The following CSGALNACT1 variants were observed in gnomAD, a reference collection of about 807,000 sequenced individuals.
CSGALNACT1 encodes the protein chondroitin sulfate N-acetylgalactosaminyltransferase 1.
A neutral mutation model predicts 51.0 loss-of-function variants in CSGALNACT1; 52 were observed. That is an observed-to-expected ratio of 1.02 (90% CI 0.82 to 1.29). The LOEUF is 1.29. CSGALNACT1 is among the 50% of genes most tolerant of loss of function. CSGALNACT1 has a pLI of 0.00. For missense variants in CSGALNACT1, 935 were observed against 679.2 expected (o/e 1.38, Z -4.19); for synonymous variants, 341 against 254.4 (o/e 1.34, Z -3.24).
chr8:19,408,410 C>A (rs539030183), intron 9 of CSGALNACT1, among the ~76,000 whole-genome samples: 1 of 149,458 alleles, frequency 6.7e-6, no homozygotes, highest in East Asian at 2.1e-4. Flanking sequence ...CCCCCCTCCT[C>A]TAACCTCCCA....
At chr8:19,554,726 T>C (rs1316907048) in intron 3 of CSGALNACT1, among the ~76,000 whole-genome samples, 2 of 152,134 alleles carry the variant, frequency 1.3e-5, no homozygotes, top group East Asian at 1.9e-4. Context: ...AAGACCAGCC[T>C]GCCCTACATG....
intron 1 of CSGALNACT1, among the ~76,000 whole-genome samples, chr8:19,670,284 G>C (rs1204661131): frequency 6.6e-6 from 1 of 152,096 alleles, no homozygotes; most frequent in African/African-American, 2.4e-5. Context: ...GAATCTCAGT[G>C]AGCTTTTGTG....
chr8:19,596,338 G>C (rs1216597050), intron 2 of CSGALNACT1, among the ~76,000 whole-genome samples: 1 of 152,132 alleles, frequency 6.6e-6, no homozygotes. Context: ...CTGTTAGTGT[G>C]ATGAGGGGGA....
Position 19,546,480 on chromosome 8 carries a change from A to C in CSGALNACT1, c.-296-40350T>G, listed in dbSNP as rs558920860. Reference sequence around the variant, plus strand: ...AAATAACTATGCCTCACTACTCTTCAATGAAATAGGGAAGTATCACTAAGA... The same window carrying C: ...AAATAACTATGCCTCACTACTCTTCCATGAAATAGGGAAGTATCACTAAGA... On this transcript the variant is annotated intron_variant, in intron 3 of 9. Coordinates refer to ENST00000454498, the Ensembl canonical transcript of CSGALNACT1. Among the ~76,000 whole-genome samples, 86 of 152,314 alleles carry C rather than the reference A, an allele frequency of 5.6e-4. No homozygotes were observed. The South Asian group carries it at 0.01, about 18-fold the overall frequency.
At chr8:19,532,618 A>G (rs1335102526) in intron 3 of CSGALNACT1, among the ~76,000 whole-genome samples, 1 of 152,094 alleles carries the variant, frequency 6.6e-6, no homozygotes. Context: ...TGACCCTCAA[A>G]GTCTTTCTAA....
intron 4 of CSGALNACT1, among the ~76,000 whole-genome samples, chr8:19,488,308 C>A (rs111734102): frequency 6.7e-6 from 1 of 148,852 alleles, no homozygotes; most frequent in Non-Finnish European, 1.5e-5. Context: ...TGAGCTCATG[C>A]CACTGCACTC....
intron 4 of CSGALNACT1, among the ~76,000 whole-genome samples, chr8:19,473,645 A>G (rs2068727932): frequency 6.6e-6 from 1 of 152,228 alleles, no homozygotes; most frequent in Non-Finnish European, 1.5e-5. Flanking sequence ...AAGCCTCAAC[A>G]TCAACTGCTT....
chr8:19,417,363 C>T (rs2057093673), intron 8 of CSGALNACT1, among the ~76,000 whole-genome samples: 1 of 152,084 alleles, frequency 6.6e-6, no homozygotes, highest in African/African-American at 2.4e-5. Context: ...CCTGAGGGCC[C>T]CAAAGTTGAA....
chr8:19,631,084 T>C (rs1165654855), intron 1 of CSGALNACT1, among the ~76,000 whole-genome samples: 1 of 152,246 alleles, frequency 6.6e-6, no homozygotes, highest in African/African-American at 2.4e-5. Flanking sequence ...ACACCACTGT[T>C]GGTCTATCCA....
At position 19,632,580 on chromosome 8, in the gene CSGALNACT1, G is replaced by C. The variant is rs7014536; in HGVS notation, c.-543-30715C>G. 5.3e-5 allele frequency among the ~76,000 whole-genome samples: 8 copies of C among 152,134 alleles called. No individual in the cohort carries two copies. In the South Asian group the frequency reaches 1.7e-3, roughly 32 times the overall value. On this transcript the variant is annotated intron_variant, in intron 1 of 9. Transcript: ENST00000332246. ...GTTTAATTACTTCTGTTCTTAACCC[G>C]CAGCTATCTACAGCGATCACTGCAG...
chr8:19,505,052 A>G, intron 4 of CSGALNACT1, 149 bp downstream of exon 3: 1 of 786,132 alleles, frequency 1.3e-6, no homozygotes, highest in Non-Finnish European at 2.2e-6. Flanking sequence ...ATAAAAAGCC[A>G]TGCCGTACCT....
In CSGALNACT1 at chr8:19,505,795, G is replaced by A. The variant is rs117494579; in HGVS notation, c.40C>T (p.Arg14Trp). 8.7e-4 allele frequency: 1,402 copies of A among 1,613,598 alleles called. 16 individuals carry two copies. In the East Asian group the frequency reaches 0.025, roughly 29 times the overall value. ...AGGAGCACCAGCAAAACCACCACCC[G>A]GGAAATCCACGCAAGCAGCCCCCGG... Residue 14 changes from arginine (R) to tryptophan (W), a missense_variant, in exon 4 of 10, where the codon CGG (arginine) becomes TGG (tryptophan). Transcript: ENST00000454498.
chr8:19,597,057 C>A lies in CSGALNACT1; in HGVS notation c.-416+4714G>T, dbSNP rs776589096. Among the ~76,000 whole-genome samples, 131 of 152,230 alleles carry A rather than the reference C, an allele frequency of 8.6e-4. 1 individual carries two copies. Among genetic ancestry groups the A allele is most frequent in the Middle Eastern group, 3.4e-3 (1 of 294 alleles). On this transcript the variant is annotated intron_variant, in intron 2 of 9. Coordinates refer to ENST00000454498, the Ensembl canonical transcript of CSGALNACT1. The stretch of plus-strand genomic sequence containing the variant: ...CTATTTTCTGTCTCTATAAATGTGA[C>A]CACTCTAGGGACCACATATTAGTGG...
intron 4 of CSGALNACT1, among the ~76,000 whole-genome samples, chr8:19,473,899 T>C (rs1284578900): frequency 1.3e-5 from 2 of 152,190 alleles, no homozygotes; most frequent in Non-Finnish European, 2.9e-5. Context: ...CACAATTTTC[T>C]ACTATAATAA....
At chr8:19,727,251 G>A (rs749784636) in intron 1 of CSGALNACT1, among the ~76,000 whole-genome samples, 17 of 152,202 alleles carry the variant, frequency 1.1e-4, no homozygotes, top group Non-Finnish European at 1.9e-4. Flanking sequence ...AATTAGGAGT[G>A]ACTTCTCCCT....
intron 1 of CSGALNACT1, among the ~76,000 whole-genome samples, chr8:19,752,164 T>TAA (rs1249880324): frequency 6.7e-6 from 1 of 148,306 alleles, no homozygotes; most frequent in East Asian, 1.9e-4. Context: ...ATATCATATA[T>TAA]GAGTATATAT....
chr8:19,749,331 G>A (rs561993064), intron 1 of CSGALNACT1, among the ~76,000 whole-genome samples: 5 of 149,186 alleles, frequency 3.4e-5, no homozygotes, highest in South Asian at 4.3e-4. Context: ...TCTCCAATTC[G>A]ATACTGTTTT....
chr8:19,405,111 A>G lies in CSGALNACT1; in HGVS notation c.*669T>C, dbSNP rs546393617. The G allele has an allele frequency of 1.3e-3, 581 of 453,632 alleles. 14 individuals are homozygous for G. The highest frequency in any genetic ancestry group is 8.5e-3 in the South Asian group (544 of 64,220). 28.1% of individuals were successfully genotyped at this position (453,632 alleles called of 1,614,324 possible). On this transcript the variant is annotated 3_prime_UTR_variant, in exon 10 of 10. Coordinates refer to ENST00000454498, the Ensembl canonical transcript of CSGALNACT1. ...CTCTTGTAAGGCTTGCAAAGTGGTAATTAAATAAGCAGACTATAACTCACA... is the reference window on the plus strand; with the variant it reads ...CTCTTGTAAGGCTTGCAAAGTGGTAGTTAAATAAGCAGACTATAACTCACA...
chr8:19,537,798 G>T (rs2084100200), intron 3 of CSGALNACT1, among the ~76,000 whole-genome samples: 1 of 152,034 alleles, frequency 6.6e-6, no homozygotes, highest in Non-Finnish European at 1.5e-5. Context: ...AAACTTTTAG[G>T]AAAAAACATA....
Sources: allele counts gnomAD v4.1 joint callset (sites outside exome capture counted in the v4.1 genomes callset), GRCh38; gene constraint gnomAD v4.1.1; transcripts MANE v1.5; gene names NCBI Gene and HGNC (gene_info 2026-07-23, HGNC 2026-07-21).